Variants in DNAJC1 observed in about 807,000 individuals in gnomAD.
The protein encoded by DNAJC1 is DnaJ heat shock protein family (Hsp40) member C1.
Under a neutral mutation model 76.6 loss-of-function variants are expected in DNAJC1, and 58 were observed. The ratio of observed to expected loss-of-function variants is 0.76; its 90% CI spans 0.61 to 0.94. DNAJC1 has a LOEUF of 0.94. DNAJC1 is among the 40% of genes least tolerant of loss of function. The probability of loss-of-function intolerance (pLI) is 0.00; values close to 1 mark genes in which losing one functional copy is unlikely to be tolerated. For missense variants in DNAJC1, 689 were observed against 677.3 expected (o/e 1.02, Z -0.19); for synonymous variants, 258 against 267.9 (o/e 0.96, Z 0.36).
At chr10:21,966,523 G>T (rs1590071163) in intron 1 of DNAJC1, among the ~76,000 whole-genome samples, 1 of 149,478 alleles carries the variant, frequency 6.7e-6, no homozygotes, top group South Asian at 2.1e-4. Context: ...CTACTTGTTT[G>T]GTTATTTATT....
At chr10:21,816,067 T>C (rs1266616563) in intron 8 of DNAJC1, among the ~76,000 whole-genome samples, 1 of 151,462 alleles carries the variant, frequency 6.6e-6, no homozygotes, top group Non-Finnish European at 1.5e-5. Context: ...TTCTATTATA[T>C]GGATATCCAG....
At chr10:21,868,754 T>G (rs571356695) in intron 8 of DNAJC1, among the ~76,000 whole-genome samples, 8 of 151,944 alleles carry the variant, frequency 5.3e-5, no homozygotes, top group African/African-American at 1.9e-4. Context: ...TTTATGGACC[T>G]CCACTGAGGT....
chr10:21,991,014 TC>T (rs1332015223), intron 1 of DNAJC1, among the ~76,000 whole-genome samples: 1 of 152,138 alleles, frequency 6.6e-6, no homozygotes, highest in African/African-American at 2.4e-5. Flanking sequence ...GATGTTAGAA[TC>T]CCTGATTGGT....
Position 21,946,672 on chromosome 10 carries a change from G to A in DNAJC1, c.223-17531C>T, listed in dbSNP as rs1485941129. Among the ~76,000 whole-genome samples the A allele has an allele frequency of 4.6e-5, 7 of 152,154 alleles. No individual in the cohort carries two copies. The East Asian group carries it at 5.8e-4, about 13-fold the overall frequency. ...GGCAATTTCATTCCTAAGTACATACGCAACAGAAATGCATATATAAGCTTA... is the reference window on the plus strand; with the variant it reads ...GGCAATTTCATTCCTAAGTACATACACAACAGAAATGCATATATAAGCTTA... On this transcript the variant is annotated intron_variant, in intron 1 of 11. Coordinates refer to ENST00000376980, the MANE Select transcript of DNAJC1 (RefSeq NM_022365.4).
intron 11 of DNAJC1, among the ~76,000 whole-genome samples, chr10:21,758,087 G>A (rs1834196894): frequency 6.6e-6 from 1 of 152,192 alleles, no homozygotes; most frequent in South Asian, 2.1e-4. Context: ...ACAGCTAACC[G>A]TTTATTTTTC....
chr10:21,871,565 C>T (rs1297340456), intron 8 of DNAJC1, among the ~76,000 whole-genome samples: 1 of 151,888 alleles, frequency 6.6e-6, no homozygotes, highest in East Asian at 1.9e-4. Context: ...TACAACAAGC[C>T]CAATACTACA....
At chr10:21,776,844 C>A in intron 9 of DNAJC1, among the ~76,000 whole-genome samples, 1 of 152,296 alleles carries the variant, frequency 6.6e-6, no homozygotes, top group East Asian at 1.9e-4. Flanking sequence ...TGCAAAAAGA[C>A]AATTGTGTAG....
intron 7 of DNAJC1, among the ~76,000 whole-genome samples, chr10:21,887,346 T>C (rs989049737): frequency 1.3e-5 from 2 of 152,166 alleles, no homozygotes; most frequent in Non-Finnish European, 2.9e-5. Flanking sequence ...GCTATTCCTA[T>C]CAAATTAACA....
chr10:21,914,960 C>T (rs896102685), intron 6 of DNAJC1, among the ~76,000 whole-genome samples: 6 of 152,072 alleles, frequency 3.9e-5, no homozygotes, highest in Non-Finnish European at 5.9e-5. Flanking sequence ...GCATATATAC[C>T]GTATTGTAGA....
chr10:21,939,877 T>C (rs1837375514), intron 1 of DNAJC1, among the ~76,000 whole-genome samples: 1 of 150,704 alleles, frequency 6.6e-6, no homozygotes, highest in South Asian at 2.1e-4. Flanking sequence ...TTGCCCTCTT[T>C]ACTCTGACCT....
At chr10:21,890,944 T>C (rs556768037) in intron 7 of DNAJC1, among the ~76,000 whole-genome samples, 1 of 152,204 alleles carries the variant, frequency 6.6e-6, no homozygotes, top group South Asian at 2.1e-4. Context: ...TAATCCCAGC[T>C]CTTTGGGAGG....
intron 8 of DNAJC1, among the ~76,000 whole-genome samples, chr10:21,854,352 A>T (rs1174995212): frequency 1.0e-4 from 3 of 28,664 alleles, no homozygotes; most frequent in Non-Finnish European, 2.7e-4. Context: ...TGGATCTTTA[A>T]AAAAAAAAAA....
At chr10:21,995,919 A>C (rs1430005037) in intron 1 of DNAJC1, among the ~76,000 whole-genome samples, 2 of 152,234 alleles carry the variant, frequency 1.3e-5, no homozygotes, top group Non-Finnish European at 2.9e-5. Context: ...AAAAAATTTC[A>C]GTAAATATAA....
At chr10:21,822,537 A>T (rs1474998144) in intron 8 of DNAJC1, among the ~76,000 whole-genome samples, 1 of 152,072 alleles carries the variant, frequency 6.6e-6, no homozygotes, top group Non-Finnish European at 1.5e-5. Context: ...GAAAGAAAAA[A>T]CTGAGACCTA....
Position 21,985,115 on chromosome 10 carries a change from A to G in DNAJC1, c.222+18098T>C, listed in dbSNP as rs1329519433. 2.0e-5 allele frequency among the ~76,000 whole-genome samples: 3 copies of G among 152,270 alleles called. No individual in the cohort carries two copies. In the South Asian group the frequency reaches 6.2e-4, roughly 32 times the overall value. The stretch of plus-strand genomic sequence containing the variant: ...TAAAATCCACCCATTATAAGAGTAT[A>G]ATTCATTTTAATAAATTTATAGAGT... On this transcript the variant is annotated intron_variant, in intron 1 of 11. Transcript: ENST00000376980.
chr10:21,833,866 T>C (rs1179880073), intron 8 of DNAJC1, among the ~76,000 whole-genome samples: 2 of 152,200 alleles, frequency 1.3e-5, no homozygotes, highest in East Asian at 3.8e-4. Context: ...TAAAGCATTA[T>C]ACAACCAAAT....
intron 1 of DNAJC1, among the ~76,000 whole-genome samples, chr10:21,951,137 T>A (rs755189907): frequency 2.0e-5 from 3 of 152,082 alleles, no homozygotes; most frequent in Non-Finnish European, 4.4e-5. Context: ...CTGACCAACA[T>A]GGTGAAACCA....
intron 1 of DNAJC1, among the ~76,000 whole-genome samples, chr10:21,969,839 CA>C (rs1837951889): frequency 6.6e-6 from 1 of 152,130 alleles, no homozygotes; most frequent in African/African-American, 2.4e-5. Flanking sequence ...TTCCCACCCC[CA>C]ACCCCATCTT....
chr10:21,872,523 A>G (rs1364638330), intron 8 of DNAJC1, among the ~76,000 whole-genome samples: 1 of 152,230 alleles, frequency 6.6e-6, no homozygotes, highest in Non-Finnish European at 1.5e-5. Context: ...AAAGTGTAAT[A>G]ACTGAGATAA....
Sources: allele counts gnomAD v4.1 joint callset (sites outside exome capture counted in the v4.1 genomes callset), GRCh38; gene constraint gnomAD v4.1.1; transcripts MANE v1.5; gene names NCBI Gene and HGNC (gene_info 2026-07-23, HGNC 2026-07-21).